RBPJ: variants seen among roughly 807,000 people sequenced by gnomAD.
RBPJ encodes the protein recombination signal binding protein for immunoglobulin kappa J region, also known as recombining binding protein suppressor of hairless.
A neutral mutation model predicts 67.8 loss-of-function variants in RBPJ; 9 were observed. The ratio of observed to expected loss-of-function variants is 0.13; its 90% CI spans 0.08 to 0.23. The LOEUF (loss-of-function observed/expected upper bound fraction) is 0.23, where lower values mean the gene tolerates loss of function less well. Among genes scored for constraint, RBPJ ranks in the 10% least tolerant of loss-of-function variants. The pLI is 1.00. For missense variants in RBPJ, 305 were observed against 595.6 expected (o/e 0.51, Z 5.08); for synonymous variants, 198 against 203.3 (o/e 0.97, Z 0.22).
chr4:26,345,188 T>C (rs990150631), intron 1 of RBPJ, among the ~76,000 whole-genome samples: 3 of 152,214 alleles, frequency 2.0e-5, no homozygotes, highest in Non-Finnish European at 4.4e-5. Flanking sequence ...TTCTGATTCA[T>C]AACCAAATTA....
chr4:26,335,925 GCTTA>G (rs1324742981), intron 1 of RBPJ, among the ~76,000 whole-genome samples: 7 of 152,074 alleles, frequency 4.6e-5, no homozygotes, highest in Admixed American at 2.0e-4. Flanking sequence ...GCCCGGCAAT[GCTTA>G]CTTCTTTAGT....
intron 1 of RBPJ, among the ~76,000 whole-genome samples, chr4:26,216,627 G>A (rs1229283959): frequency 6.6e-6 from 1 of 152,036 alleles, no homozygotes; most frequent in Admixed American, 6.6e-5. Context: ...AATAGGGGAG[G>A]ATTGAGGGCG....
intron 4 of RBPJ, among the ~76,000 whole-genome samples, chr4:26,416,275 C>T (rs1485758045): frequency 6.6e-6 from 1 of 151,838 alleles, no homozygotes; most frequent in Non-Finnish European, 1.5e-5. Context: ...TTTTCTTCCC[C>T]CGGGACAGGG....
chr4:26,265,192 T>C (rs879849653), intron 1 of RBPJ, among the ~76,000 whole-genome samples: 1 of 152,166 alleles, frequency 6.6e-6, no homozygotes, highest in East Asian at 1.9e-4. Flanking sequence ...TGTCTTACCA[T>C]GCATATAAAG....
At chr4:26,294,221 C>T (rs1384054745) in intron 1 of RBPJ, among the ~76,000 whole-genome samples, 3 of 152,066 alleles carry the variant, frequency 2.0e-5, no homozygotes, top group Non-Finnish European at 4.4e-5. Context: ...CCTCAGCCTC[C>T]CGAGTAGCTG....
rs150933496 is a variant in RBPJ, at chr4:26,413,720, A to G, written c.156-1755A>G. Among the ~76,000 whole-genome samples the G allele has an allele frequency of 2.0e-5, 3 of 152,338 alleles. No individual in the cohort carries two copies. The East Asian group carries it at 5.8e-4, about 29-fold the overall frequency. The stretch of plus-strand genomic sequence containing the variant: ...GTAGAGGCTGAGGGGGAAGCAAACA[A>G]GAAGTAGATACTACCACCTTCAGGA... On this transcript the variant is annotated intron_variant, in intron 3 of 10. Coordinates refer to ENST00000355476, the MANE Select transcript of RBPJ (RefSeq NM_015874.6).
intron 1 of RBPJ, among the ~76,000 whole-genome samples, chr4:26,179,909 A>G (rs980119504): frequency 3.9e-5 from 6 of 152,242 alleles, no homozygotes; most frequent in African/African-American, 1.4e-4. Context: ...AATAGAAAAG[A>G]CATGGCATCA....
At chr4:26,166,815 G>A (rs1560194206) in intron 1 of RBPJ, among the ~76,000 whole-genome samples, 1 of 152,140 alleles carries the variant, frequency 6.6e-6, no homozygotes, top group Non-Finnish European at 1.5e-5. Flanking sequence ...GAATGGTAAT[G>A]CCTAGGTTTT....
chr4:26,363,944 T>G (rs540296467), intron 1 of RBPJ, among the ~76,000 whole-genome samples: 9 of 152,326 alleles, frequency 5.9e-5, no homozygotes, highest in African/African-American at 1.9e-4. Flanking sequence ...ATGAAAATTT[T>G]CTTAATTATA....
intron 1 of RBPJ, among the ~76,000 whole-genome samples, chr4:26,210,760 T>C (rs200027224): frequency 0.017 from 1,649 of 99,644 alleles, 16 homozygotes; most frequent in Middle Eastern, 0.022. Context: ...TCCTTCTTTC[T>C]TTCTTTCTTT....
In RBPJ at chr4:26,294,943, G is replaced by A. The variant is rs548197575; in HGVS notation, c.-166-67503G>A. Among the ~76,000 whole-genome samples the A allele has an allele frequency of 2.6e-4, 40 of 152,238 alleles. No homozygotes were observed. The South Asian group carries it at 4.4e-3, about 17-fold the overall frequency. The stretch of plus-strand genomic sequence containing the variant: ...TAGGACTAACAAGACCTGCCACCGG[G>A]TTGGATAGGGCTGATGACGGAAAGA... On this transcript the variant is annotated intron_variant, in intron 1 of 4. Coordinates refer to the RBPJ transcript ENST00000512351.
intron 1 of RBPJ, among the ~76,000 whole-genome samples, chr4:26,171,013 G>T (rs1209075052): frequency 6.6e-6 from 1 of 152,208 alleles, no homozygotes; most frequent in Non-Finnish European, 1.5e-5. Context: ...TTGGCTGGTG[G>T]TGGTGGTTTA....
intron 2 of RBPJ, among the ~76,000 whole-genome samples, chr4:26,398,117 C>A (rs952516249): frequency 6.6e-6 from 1 of 151,786 alleles, no homozygotes; most frequent in Non-Finnish European, 1.5e-5. Context: ...ATTCTTGATA[C>A]AACAAAAATA....
chr4:26,320,354 G>C (rs1722886695), upstream of RBPJ, among the ~76,000 whole-genome samples: 2 of 152,172 alleles, frequency 1.3e-5, no homozygotes, highest in East Asian at 3.9e-4. Flanking sequence ...AAAGTTTTCC[G>C]CTTGAGGAGC....
At chr4:26,163,691 T>C (rs998233278) in intron 1 of RBPJ, 1 of 152,264 alleles carries the variant, frequency 6.6e-6, no homozygotes, top group African/African-American at 2.4e-5. Flanking sequence ...TCGTGACTTA[T>C]GAATAAGTAA....
intron 2 of RBPJ, among the ~76,000 whole-genome samples, chr4:26,388,220 C>G (rs1406561943): frequency 1.3e-5 from 2 of 152,044 alleles, no homozygotes; most frequent in African/African-American, 4.8e-5. Context: ...TCATCTTGAA[C>G]TCTTGGCTTC....
At chr4:26,201,655 T>G (rs1472542442) in intron 1 of RBPJ, among the ~76,000 whole-genome samples, 1 of 152,196 alleles carries the variant, frequency 6.6e-6, no homozygotes, top group Non-Finnish European at 1.5e-5. Flanking sequence ...GATGTAAATC[T>G]CAATGCATTT....
At chr4:26,185,106 C>A (rs1455122447) in intron 1 of RBPJ, among the ~76,000 whole-genome samples, 1 of 149,872 alleles carries the variant, frequency 6.7e-6, no homozygotes, top group Admixed American at 6.7e-5. Context: ...TGCGCCACTG[C>A]ACTCCAGCCT....
At chr4:26,126,006 G>T in the RBPJ span, among the ~76,000 whole-genome samples, 26 of 152,194 alleles carry the variant, frequency 1.7e-4, no homozygotes, top group African/African-American at 6.0e-4. Context: ...GGATATAGAT[G>T]TATCACTGCC....
Sources: allele counts gnomAD v4.1 joint callset (sites outside exome capture counted in the v4.1 genomes callset), GRCh38; gene constraint gnomAD v4.1.1; transcripts MANE v1.5; gene names NCBI Gene and HGNC (gene_info 2026-07-23, HGNC 2026-07-21).